PTPN3: variants seen among roughly 807,000 people sequenced by gnomAD.
PTPN3 encodes protein tyrosine phosphatase non-receptor type 3, also known as tyrosine-protein phosphatase non-receptor type 3.
Under a neutral mutation model 132.7 loss-of-function variants are expected in PTPN3, and 96 were observed. The observed-to-expected ratio is 0.72, with a 90% CI of 0.61 to 0.86. The LOEUF (loss-of-function observed/expected upper bound fraction) is 0.86. Ranked by LOEUF, PTPN3 falls within the 40% of genes least tolerant of loss-of-function variation. The pLI is 0.00. For synonymous variants in PTPN3, 398 were observed against 429.0 expected (o/e 0.93, Z 0.89); for missense variants, 1,125 against 1,159.6 (o/e 0.97, Z 0.43).
intron 17 of PTPN3, 138 bp from the exon 18 acceptor site, chr9:109,406,756 T>C: frequency 1.0e-6 from 1 of 999,892 alleles, no homozygotes; most frequent in Non-Finnish European, 1.5e-6. Context: ...ACTGTCATTA[T>C]TTGTATAATG....
the PTPN3 span, chr9:109,533,661 G>A: frequency 1.3e-6 from 2 of 1,487,348 alleles, no homozygotes; most frequent in Admixed American, 1.8e-5. Flanking sequence ...CCTGCACCCT[G>A]GTTGTCAGCA....
Position 109,379,489 on chromosome 9 carries a change from G to C in PTPN3, c.*67C>G. On this transcript the variant is annotated 3_prime_UTR_variant, in exon 26 of 26. Coordinates refer to ENST00000374541, the MANE Select transcript of PTPN3 (RefSeq NM_002829.4). Reference sequence around the variant, plus strand: ...ACTGGTTCCTCTTGCTGCTTCCAGAGAGGTCTGTCCTCCTCTTTCAAGGAG... The same window carrying C: ...ACTGGTTCCTCTTGCTGCTTCCAGACAGGTCTGTCCTCCTCTTTCAAGGAG... The C allele has an allele frequency of 7.0e-7, 1 of 1,432,638 alleles. No homozygotes were observed. Among genetic ancestry groups the C allele is most frequent in the African/African-American group, 1.4e-5 (1 of 71,008 alleles). 88.7% of individuals were successfully genotyped at this position (1,432,638 alleles called of 1,614,324 possible). A position where few individuals can be genotyped will look rare whatever the true frequency, so the allele number is the denominator to read the frequency against.
chr9:109,388,552 C>T (rs900041071), intron 22 of PTPN3, among the ~76,000 whole-genome samples: 15 of 152,088 alleles, frequency 9.9e-5, no homozygotes, highest in African/African-American at 3.1e-4. Flanking sequence ...GTCAGCAGCA[C>T]GGAGCTGGCG....
the PTPN3 span, among the ~76,000 whole-genome samples, chr9:109,528,880 G>T: frequency 7.2e-5 from 11 of 151,958 alleles, no homozygotes; most frequent in South Asian, 6.2e-4. Flanking sequence ...CTACTTCCTT[G>T]TGTGTTAATT....
Position 109,422,718 on chromosome 9 carries a change from C to G in PTPN3, c.1136G>C (p.Trp379Ser). ...PSRSPPITPN[W>S]RSPRLRHEIR... Reference sequence around the variant, plus strand: ...AAAAAAAAAAAAAAGGAGGACATACCAGTTGGGAGTAATGGGAGGGGAACG... The same window carrying G: ...AAAAAAAAAAAAAAGGAGGACATACGAGTTGGGAGTAATGGGAGGGGAACG... The change falls in exon 13 of 26, where the codon TGG (tryptophan) becomes TCG (serine). Residue 379 changes from tryptophan (W) to serine (S), a missense_variant and splice_region_variant. Coordinates refer to ENST00000374541, the MANE Select transcript of PTPN3 (RefSeq NM_002829.4). 1.2e-6 allele frequency: 2 copies of G among 1,601,118 alleles called. No homozygotes were observed. The highest frequency in any genetic ancestry group is 1.7e-6 in the Non-Finnish European group (2 of 1,173,812).
chr9:109,420,668 C>G lies in PTPN3; in HGVS notation c.1137-68G>C, dbSNP rs367874444. The G allele has an allele frequency of 5.8e-5, 86 of 1,470,322 alleles. No homozygotes were observed. The African/African-American group carries it at 9.9e-4, about 17-fold the overall frequency. 91.1% of individuals were successfully genotyped at this position (1,470,322 alleles called of 1,614,324 possible). A position where few individuals can be genotyped will look rare whatever the true frequency, so the allele number is the denominator to read the frequency against. On this transcript the variant is annotated intron_variant, in intron 13 of 25. Transcript: ENST00000374541. Reference sequence around the variant, plus strand: ...TCCACTTAAAAATTTTATTAGACACCAGTGAACCTCGTGTCCTGACCTTTC... The same window carrying G: ...TCCACTTAAAAATTTTATTAGACACGAGTGAACCTCGTGTCCTGACCTTTC...
At chr9:109,444,355 T>C (rs1844702864) in intron 7 of PTPN3, among the ~76,000 whole-genome samples, 1 of 152,226 alleles carries the variant, frequency 6.6e-6, no homozygotes, top group Non-Finnish European at 1.5e-5. Context: ...TGGAAGGGAA[T>C]ATACCCTCGA....
At chr9:109,534,466 C>G in the PTPN3 span, 1 of 1,146,628 alleles carries the variant, frequency 8.7e-7, no homozygotes. Context: ...CGCTACCGAT[C>G]GAACTCTTGG....
At chr9:109,383,614 C>A (rs773296480) in intron 22 of PTPN3, 63 bp from the exon 23 acceptor site, 13 of 1,587,270 alleles carry the variant, frequency 8.2e-6, no homozygotes, top group Non-Finnish European at 1.1e-5. Flanking sequence ...AGCAGTTAAC[C>A]CTGGACAGGT....
chr9:109,383,247 G>T, intron 23 of PTPN3, 176 bp downstream of exon 23: 1 of 1,105,700 alleles, frequency 9.0e-7, no homozygotes, highest in Non-Finnish European at 1.3e-6. Context: ...TGCCTGTTGT[G>T]ACTAGGGCCA....
the PTPN3 span, among the ~76,000 whole-genome samples, chr9:109,532,159 A>C: frequency 7.2e-5 from 11 of 152,206 alleles, no homozygotes; most frequent in Non-Finnish European, 1.3e-4. Context: ...AAAACCCCTC[A>C]GTCCTGGGCT....
upstream of PTPN3, among the ~76,000 whole-genome samples, chr9:109,499,280 G>A (rs149737090): frequency 4.6e-5 from 7 of 152,158 alleles, no homozygotes; most frequent in Admixed American, 3.9e-4. Context: ...GTCGGATAGG[G>A]CCCTTGAGCT....
intron 2 of PTPN3, among the ~76,000 whole-genome samples, chr9:109,460,476 T>G (rs768348154): frequency 2.0e-5 from 3 of 152,122 alleles, no homozygotes; most frequent in Non-Finnish European, 2.9e-5. Flanking sequence ...CAAGGCTCCA[T>G]GCGATCCCCC....
intron 19 of PTPN3, among the ~76,000 whole-genome samples, chr9:109,398,932 G>A (rs956021780): frequency 6.6e-6 from 1 of 152,086 alleles, no homozygotes; most frequent in Non-Finnish European, 1.5e-5. Flanking sequence ...GTAATTTTGG[G>A]GTCAGTGTGA....
At chr9:109,528,656 TAAAC>T in the PTPN3 span, among the ~76,000 whole-genome samples, 4 of 152,214 alleles carry the variant, frequency 2.6e-5, no homozygotes, top group African/African-American at 9.6e-5. Context: ...ATATATAGTG[TAAAC>T]AAACATTCAC....
chr9:109,397,891 A>T (rs1230676550), intron 19 of PTPN3: 1 of 152,198 alleles, frequency 6.6e-6, no homozygotes, highest in Non-Finnish European at 1.5e-5. Context: ...TGTATCCCAG[A>T]TACACATTAT....
Position 109,436,887 on chromosome 9 carries a change from C to T in PTPN3, c.671G>A (p.Gly224Asp). 6.2e-7 allele frequency: 1 copy of T among 1,613,890 alleles called. No homozygotes were observed. The highest frequency in any genetic ancestry group is 8.5e-7 in the Non-Finnish European group (1 of 1,179,906). ...LDFYGVELHSGRDLHNLDLMI... is the reference protein window; with the variant it reads ...LDFYGVELHSDRDLHNLDLMI... The stretch of plus-strand genomic sequence containing the variant: ...AGACATAACAAGAATACATACCCTA[C>T]CACTGTGCAGTTCTACTCCATAGAA... The change falls in exon 9 of 26, where the codon GGT (glycine) becomes GAT (aspartate). Residue 224 changes from glycine (G) to aspartate (D), a missense_variant. Gly to Asp is a moderately conservative substitution (Grantham distance 94). Transcript: ENST00000374541.
Position 109,378,754 on chromosome 9 carries a change from T to C in PTPN3, c.*802A>G, listed in dbSNP as rs1838778636. 1 of 152,646 alleles carries C rather than the reference T, an allele frequency of 6.6e-6. No individual in the cohort carries two copies. The highest frequency in any genetic ancestry group is 1.5e-5 in the Non-Finnish European group (1 of 68,088). The allele number at this position is 152,646 out of a possible 1,614,324, so 9.5% of individuals were successfully genotyped here. On this transcript the variant is annotated 3_prime_UTR_variant, in exon 26 of 26. Coordinates refer to ENST00000374541, the MANE Select transcript of PTPN3 (RefSeq NM_002829.4). ...ATGTAGGAGATTCAGTAGTCGGTGA[T>C]TCCAGTCCTGGGTGCTGAGTGTGCA...
chr9:109,445,331 C>A, intron 6 of PTPN3, 39 bp from the exon 7 acceptor site: 3 of 1,542,434 alleles, frequency 1.9e-6, no homozygotes, highest in Non-Finnish European at 2.7e-6. Flanking sequence ...TCACAAGAAC[C>A]AACAACAGCC....
Sources: gnomAD v4.1 joint callset for allele counts (sites outside exome capture counted in the v4.1 genomes callset) on GRCh38, gnomAD v4.1.1 for gene constraint, MANE v1.5 for transcripts, NCBI Gene and HGNC (gene_info 2026-07-23, HGNC 2026-07-21) for gene names.